The following ADAMTS18 variants were observed in gnomAD, a reference collection of about 807,000 sequenced individuals.
The protein encoded by ADAMTS18 is ADAM metallopeptidase with thrombospondin type 1 motif 18.
In ADAMTS18, 157 loss-of-function variants were observed where a neutral mutation model predicts 165.9. That is an observed-to-expected ratio of 0.95 (90% CI 0.83 to 1.08). ADAMTS18 has a LOEUF of 1.08. ADAMTS18 is among the 50% of genes least tolerant of loss of function. ADAMTS18 has a pLI of 0.00. For synonymous variants in ADAMTS18, 782 were observed against 578.2 expected (o/e 1.35, Z -5.06); for missense variants, 2,040 against 1,534.0 (o/e 1.33, Z -5.51).
chr16:77,283,212 C>G lies in ADAMTS18; in HGVS notation c.*744G>C, dbSNP rs745653525. The G allele has an allele frequency of 6.6e-6, 1 of 152,520 alleles. No individual in the cohort carries two copies. The highest frequency in any genetic ancestry group is 1.5e-5 in the Non-Finnish European group (1 of 68,054). The allele number at this position is 152,520 out of a possible 1,614,324, so 9.4% of individuals were successfully genotyped here. On this transcript the variant is annotated 3_prime_UTR_variant, in exon 23 of 23. Transcript: ENST00000282849. ...AGGTTGATAACATGTGAAGGGCATCCATATTTATCTTTTCTATGAGTTGTT... is the reference window on the plus strand; with the variant it reads ...AGGTTGATAACATGTGAAGGGCATCGATATTTATCTTTTCTATGAGTTGTT...
At chr16:77,370,028 C>A (rs932831434) in intron 3 of ADAMTS18, among the ~76,000 whole-genome samples, 1 of 152,128 alleles carries the variant, frequency 6.6e-6, no homozygotes, top group African/African-American at 2.4e-5. Flanking sequence ...TAAAATTTAA[C>A]ATCTCTTCAT....
chr16:77,302,850 T>C (rs909514190), intron 16 of ADAMTS18, among the ~76,000 whole-genome samples: 2 of 152,196 alleles, frequency 1.3e-5, no homozygotes, highest in African/African-American at 4.8e-5. Flanking sequence ...TTTTTAAATG[T>C]TGCTGTGAAC....
chr16:77,393,702 A>G (rs1356134933), intron 3 of ADAMTS18, among the ~76,000 whole-genome samples: 1 of 152,216 alleles, frequency 6.6e-6, no homozygotes, highest in African/African-American at 2.4e-5. Flanking sequence ...TCAGACGTCC[A>G]GTTTCCAGAA....
intron 3 of ADAMTS18, among the ~76,000 whole-genome samples, chr16:77,373,402 T>A (rs964995828): frequency 6.8e-6 from 1 of 147,550 alleles, no homozygotes; most frequent in African/African-American, 2.5e-5. Context: ...GAGGTTGCAG[T>A]GAGCTGAGAT....
chr16:77,299,386 A>G (rs953046908), intron 17 of ADAMTS18, among the ~76,000 whole-genome samples: 8 of 152,212 alleles, frequency 5.3e-5, no homozygotes, highest in African/African-American at 1.9e-4. Context: ...TATGTATCCT[A>G]AAAAAGTATT....
intron 12 of ADAMTS18, among the ~76,000 whole-genome samples, chr16:77,331,942 C>A (rs1398299420): frequency 6.6e-6 from 1 of 152,170 alleles, no homozygotes; most frequent in African/African-American, 2.4e-5. Flanking sequence ...AAGTACCATT[C>A]ATCTTTTTTA....
At position 77,411,466 on chromosome 16, in the gene ADAMTS18, AATAG is replaced by A. The variant is rs2057461987; in HGVS notation, c.495+19825_495+19828del. 4.6e-5 allele frequency among the ~76,000 whole-genome samples: 7 copies of A among 152,238 alleles called. No individual in the cohort carries two copies. The South Asian group carries it at 1.5e-3, about 32-fold the overall frequency. ...GACTTGGACTTTAAAAATATTTAAT[AATAG>A]ATCATTATTTTGGAGTTCATACACT... On this transcript the variant is annotated intron_variant, in intron 3 of 22. Transcript: ENST00000282849.
intron 3 of ADAMTS18, among the ~76,000 whole-genome samples, chr16:77,407,478 A>G (rs1366950263): frequency 2.0e-5 from 3 of 152,152 alleles, no homozygotes; most frequent in Non-Finnish European, 2.9e-5. Context: ...AATGCAAAGA[A>G]CACAATATAG....
intron 3 of ADAMTS18, among the ~76,000 whole-genome samples, chr16:77,423,757 T>A (rs1354986067): frequency 6.6e-6 from 1 of 152,138 alleles, no homozygotes; most frequent in Non-Finnish European, 1.5e-5. Context: ...GTCTTCAGTT[T>A]ATAAAGTAAT....
At chr16:77,368,429 C>CTTT (rs1202728780) in intron 3 of ADAMTS18, among the ~76,000 whole-genome samples, 3 of 144,238 alleles carry the variant, frequency 2.1e-5, no homozygotes, top group Non-Finnish European at 3.0e-5. Context: ...CTTGATTTTT[C>CTTT]TTTTTTTCTT....
intron 16 of ADAMTS18, among the ~76,000 whole-genome samples, chr16:77,313,923 A>G (rs2055831927): frequency 6.6e-6 from 1 of 152,246 alleles, no homozygotes; most frequent in South Asian, 2.1e-4. Flanking sequence ...GAAATCTTTA[A>G]TAAGAGAGTT....
At position 77,303,660 on chromosome 16, in the gene ADAMTS18, G is replaced by A. The variant is rs74025789; in HGVS notation, c.2533-3256C>T. Among the ~76,000 whole-genome samples the A allele has an allele frequency of 5.1e-3, 781 of 152,116 alleles. 12 individuals carry two copies. The highest frequency in any genetic ancestry group is 0.018 in the African/African-American group (757 of 41,484). On this transcript the variant is annotated intron_variant, in intron 16 of 22. Transcript: ENST00000282849. ...AAAAAAAAATGACTTTCGGGAGGGG[G>A]AGAAGTGATATCCCCCAGTGGAGAA...
chr16:77,359,293 A>T lies in ADAMTS18; in HGVS notation c.1322+25T>A, dbSNP rs545547118. 1.9e-6 allele frequency: 3 copies of T among 1,591,686 alleles called. No individual in the cohort carries two copies. In the South Asian group the frequency reaches 3.4e-5, roughly 18 times the overall value. On this transcript the variant is annotated intron_variant, in intron 8 of 22. Coordinates refer to ENST00000282849, the MANE Select transcript of ADAMTS18 (RefSeq NM_199355.4). ...AATCACCCAACTAGTTTTCACATAA[A>T]GTAGTGGTTCAAAGAGGCACTTACT... is the stretch of plus-strand genomic sequence containing the variant.
intron 16 of ADAMTS18, among the ~76,000 whole-genome samples, chr16:77,306,165 C>T (rs535093247): frequency 6.6e-6 from 1 of 152,324 alleles, no homozygotes; most frequent in South Asian, 2.1e-4. Flanking sequence ...AATTTTCCAG[C>T]CAACTGGCAT....
Position 77,300,396 on chromosome 16 carries a change from C to T in ADAMTS18, c.2541G>A (p.Met847Ile), listed in dbSNP as rs114018664. ...AAGCTATCCCTGGATTTTTGCCTTG[C>T]ATCAGAATCTGGACAGTGTAAGATA... ...TNETLVFEIL[M>I]QGKNPGIAWK... The change falls in exon 17 of 23, where the codon ATG becomes ATA. Residue 847 changes from methionine to isoleucine, a missense_variant. Transcript: ENST00000282849. 5.0e-6 allele frequency: 8 copies of T among 1,614,046 alleles called. No homozygotes were observed. The highest frequency in any genetic ancestry group is 1.3e-5 in the African/African-American group (1 of 75,020).
chr16:77,374,181 T>G (rs2056917381), intron 3 of ADAMTS18, among the ~76,000 whole-genome samples: 1 of 144,778 alleles, frequency 6.9e-6, no homozygotes, highest in South Asian at 2.2e-4. Context: ...ATTGCACCAC[T>G]ACATTCCAAC....
At chr16:77,285,603 C>A (rs1039546038) in intron 22 of ADAMTS18, among the ~76,000 whole-genome samples, 14 of 151,904 alleles carry the variant, frequency 9.2e-5, no homozygotes, top group Admixed American at 4.6e-4. Context: ...TTTTATACAT[C>A]CCCTTCATGT....
chr16:77,291,178 T>C (rs2055354949), intron 21 of ADAMTS18, 88 bp downstream of exon 21: 2 of 1,436,560 alleles, frequency 1.4e-6, no homozygotes, highest in Admixed American at 1.8e-5. Flanking sequence ...TAGACAACCA[T>C]TAACAGACTA....
At chr16:77,398,101 G>A (rs1430481725) in intron 3 of ADAMTS18, among the ~76,000 whole-genome samples, 1 of 152,142 alleles carries the variant, frequency 6.6e-6, no homozygotes, top group Non-Finnish European at 1.5e-5. Context: ...CAGATCACCT[G>A]AGGTTAGGAG....
Sources: gnomAD v4.1 joint callset for allele counts (sites outside exome capture counted in the v4.1 genomes callset) on GRCh38, gnomAD v4.1.1 for gene constraint, MANE v1.5 for transcripts, NCBI Gene and HGNC (gene_info 2026-07-23, HGNC 2026-07-21) for gene names.